Variants in GRM8 observed in about 807,000 individuals in gnomAD.
The protein encoded by GRM8 is glutamate metabotropic receptor 8.
A neutral mutation model predicts 87.2 loss-of-function variants in GRM8; 47 were observed. The ratio of observed to expected loss-of-function variants is 0.54; its 90% CI spans 0.43 to 0.69. GRM8 has a LOEUF of 0.69. Ranked by LOEUF, GRM8 falls within the 30% of genes least tolerant of loss-of-function variation. The pLI is 0.00. For missense variants in GRM8, 1,019 were observed against 1,139.2 expected, an observed-to-expected ratio of 0.89 and a Z score of 1.52; for synonymous variants, 396 against 404.5, an observed-to-expected ratio of 0.98 and a Z score of 0.25.
intron 2 of GRM8, among the ~76,000 whole-genome samples, chr7:127,216,517 C>CAAAAAAAAAAAAAA (rs58730624): frequency 1.3e-4 from 8 of 62,980 alleles, no homozygotes; most frequent in Admixed American, 2.1e-4. Context: ...GACTCCGTCT[C>CAAAAAAAAAAAAAA]AAAAAAAAAA....
intron 2 of GRM8, among the ~76,000 whole-genome samples, chr7:127,117,560 A>G (rs1012925955): frequency 1.3e-5 from 2 of 152,238 alleles, no homozygotes; most frequent in African/African-American, 4.8e-5. Context: ...GAGCTGCTTA[A>G]GACAGTGAAA....
intron 3 of GRM8, among the ~76,000 whole-genome samples, chr7:127,099,420 C>A (rs971176947): frequency 6.6e-6 from 1 of 152,162 alleles, no homozygotes; most frequent in Non-Finnish European, 1.5e-5. Context: ...CTTGGAATTA[C>A]AAAGTGGGGC....
intron 2 of GRM8, chr7:127,111,335 T>C (rs1488129412): frequency 1.3e-5 from 2 of 152,202 alleles, no homozygotes; most frequent in South Asian, 2.1e-4. Context: ...CATTTACATA[T>C]ATTATTAATA....
intron 3 of GRM8, among the ~76,000 whole-genome samples, chr7:127,038,479 C>T (rs1375045996): frequency 1.6e-5 from 2 of 125,902 alleles, no homozygotes; most frequent in African/African-American, 6.7e-5. Flanking sequence ...TTTTCTCTGA[C>T]ACACAAGATA....
chr7:126,694,562 T>C (rs1371258303), intron 7 of GRM8, among the ~76,000 whole-genome samples: 1 of 152,214 alleles, frequency 6.6e-6, no homozygotes, highest in African/African-American at 2.4e-5. Flanking sequence ...TTTTTTGCAA[T>C]TGATTTGCAA....
intron 8 of GRM8, among the ~76,000 whole-genome samples, chr7:126,575,633 T>C (rs1795046781): frequency 1.3e-5 from 2 of 152,014 alleles, no homozygotes; most frequent in Admixed American, 1.3e-4. Flanking sequence ...AAAAAAAATT[T>C]AACCAAACCA....
At chr7:126,867,918 C>G (rs1224140745) in intron 6 of GRM8, among the ~76,000 whole-genome samples, 2 of 151,950 alleles carry the variant, frequency 1.3e-5, no homozygotes, top group African/African-American at 4.8e-5. Context: ...CAGCTTACAG[C>G]AGAAAAAAAT....
At chr7:126,928,801 T>A (rs1031724455) in intron 3 of GRM8, among the ~76,000 whole-genome samples, 2 of 152,130 alleles carry the variant, frequency 1.3e-5, no homozygotes, top group Admixed American at 1.3e-4. Flanking sequence ...ACATTAAATA[T>A]GACGTCTACC....
chr7:126,972,408 T>C (rs1030300264), intron 3 of GRM8, among the ~76,000 whole-genome samples: 1 of 152,182 alleles, frequency 6.6e-6, no homozygotes, highest in Non-Finnish European at 1.5e-5. Flanking sequence ...CACTGTCACT[T>C]TGGTATATTA....
At chr7:127,101,406 A>T (rs1825232869) in intron 3 of GRM8, among the ~76,000 whole-genome samples, 1 of 152,172 alleles carries the variant, frequency 6.6e-6, no homozygotes, top group Non-Finnish European at 1.5e-5. Context: ...TGTAATCCCC[A>T]ATGCTGAAGG....
intron 7 of GRM8, among the ~76,000 whole-genome samples, chr7:126,668,672 G>A (rs1806060830): frequency 6.6e-6 from 1 of 152,208 alleles, no homozygotes; most frequent in South Asian, 2.1e-4. Context: ...TTTTCTCTTG[G>A]TGGAGGGACC....
intron 8 of GRM8, among the ~76,000 whole-genome samples, chr7:126,589,029 G>T (rs1162734138): frequency 6.6e-6 from 1 of 152,192 alleles, no homozygotes; most frequent in African/African-American, 2.4e-5. Flanking sequence ...GGGGAGGGTT[G>T]CCAGTGGAAC....
chr7:127,120,234 T>A (rs1217238358), intron 2 of GRM8, among the ~76,000 whole-genome samples: 2 of 152,210 alleles, frequency 1.3e-5, no homozygotes, highest in East Asian at 1.9e-4. Context: ...CCCTTTTTTA[T>A]ACCTCTCAGT....
intron 7 of GRM8, among the ~76,000 whole-genome samples, chr7:126,618,517 A>AT (rs1799770511): frequency 6.6e-6 from 1 of 152,234 alleles, no homozygotes; most frequent in Non-Finnish European, 1.5e-5. Flanking sequence ...AAAAGTCAAA[A>AT]TTGACAAATG....
intron 8 of GRM8, among the ~76,000 whole-genome samples, chr7:126,548,175 G>A (rs1459132262): frequency 6.6e-6 from 1 of 152,066 alleles, no homozygotes; most frequent in Non-Finnish European, 1.5e-5. Flanking sequence ...GTGGGGTGGA[G>A]GGATGAGGAG....
intron 3 of GRM8, among the ~76,000 whole-genome samples, chr7:127,044,668 C>G (rs1463494596): frequency 2.6e-5 from 4 of 151,984 alleles, no homozygotes; most frequent in African/African-American, 9.7e-5. Context: ...GAGGGACTGT[C>G]CAGCCAGGGA....
intron 2 of GRM8, among the ~76,000 whole-genome samples, chr7:127,183,171 G>A (rs955252093): frequency 2.0e-5 from 3 of 151,844 alleles, no homozygotes; most frequent in Admixed American, 6.6e-5. Flanking sequence ...TTAAACTTCA[G>A]GAAAAATACT....
At chr7:126,941,733 T>C (rs1586541490) in intron 3 of GRM8, among the ~76,000 whole-genome samples, 1 of 152,118 alleles carries the variant, frequency 6.6e-6, no homozygotes, top group East Asian at 1.9e-4. Context: ...AATACTCAAA[T>C]GCAACCGTGG....
chr7:127,025,998 C>G (rs889571448), intron 3 of GRM8, among the ~76,000 whole-genome samples: 3 of 152,070 alleles, frequency 2.0e-5, no homozygotes, highest in African/African-American at 7.2e-5. Flanking sequence ...TTATCCCTCC[C>G]CCAGCCCCCT....
Sources: gnomAD v4.1 joint callset for allele counts (sites outside exome capture counted in the v4.1 genomes callset) on GRCh38, gnomAD v4.1.1 for gene constraint, MANE v1.5 for transcripts, NCBI Gene and HGNC (gene_info 2026-07-23, HGNC 2026-07-21) for gene names.